Variants in MTMR12 observed in about 807,000 individuals in gnomAD.
MTMR12 encodes the protein myotubularin-related protein 12.
A neutral mutation model predicts 96.7 loss-of-function variants in MTMR12; 33 were observed. The observed-to-expected ratio is 0.34, with a 90% confidence interval of 0.26 to 0.46. The LOEUF (loss-of-function observed/expected upper bound fraction) is 0.46, where lower values mean the gene tolerates loss of function less well. MTMR12 is among the 20% of genes least tolerant of loss of function. The pLI is 1.00. For synonymous variants in MTMR12, 298 were observed against 327.2 expected (o/e 0.91, Z 0.96); for missense variants, 721 against 896.1 (o/e 0.80, Z 2.49).
intron 15 of MTMR12, among the ~76,000 whole-genome samples, chr5:32,232,670 C>T (rs1748042474): frequency 6.6e-6 from 1 of 152,222 alleles, no homozygotes. Flanking sequence ...CAATTTCTGG[C>T]CAAGCTGTTC....
At chr5:32,272,046 C>CT (rs1749856494) in intron 3 of MTMR12, 141 bp from the exon 4 acceptor site, 1 of 442,496 alleles carries the variant, frequency 2.3e-6, no homozygotes, top group Admixed American at 4.4e-5. Flanking sequence ...AATCCCAGCA[C>CT]TTTGGGAGGC....
intron 6 of MTMR12, among the ~76,000 whole-genome samples, chr5:32,265,401 A>T (rs989792032): frequency 1.3e-5 from 2 of 152,350 alleles, no homozygotes; most frequent in Non-Finnish European, 2.9e-5. Context: ...GCTAATCCAC[A>T]TATGTTGGCA....
intron 1 of MTMR12, among the ~76,000 whole-genome samples, chr5:32,311,662 A>C (rs1225025719): frequency 6.6e-6 from 1 of 152,226 alleles, no homozygotes; most frequent in African/African-American, 2.4e-5. Context: ...TTGCTCAAGA[A>C]GCCCTGAGCA....
chr5:32,284,603 A>G (rs943723564), intron 1 of MTMR12, among the ~76,000 whole-genome samples: 3 of 152,076 alleles, frequency 2.0e-5, no homozygotes, highest in Non-Finnish European at 4.4e-5. Flanking sequence ...TAAACCATAA[A>G]CTAGTTTTAC....
intron 6 of MTMR12, among the ~76,000 whole-genome samples, chr5:32,266,413 C>T (rs1346305622): frequency 6.6e-6 from 1 of 152,168 alleles, no homozygotes; most frequent in Non-Finnish European, 1.5e-5. Context: ...CTAGGCTGGG[C>T]ACGGTGGCTC....
Position 32,268,727 on chromosome 5 carries a change from T to C in MTMR12, c.557A>G (p.Tyr186Cys), listed in dbSNP as rs749277669. The stretch of plus-strand genomic sequence containing the variant: ...TGTATTGTTTTGTGCAGCAGTCGCA[T>C]AGGAAAACAGAAATAATCGTTTAAG... ...KLLKRLFLFS[Y>C]ATAAQNNTVT... The change falls in exon 6 of 16, where the codon TAT becomes TGT. Residue 186 changes from tyrosine to cysteine, a missense_variant. Transcript: ENST00000382142. 13 of 1,613,938 alleles carry C rather than the reference T, an allele frequency of 8.1e-6. No individual in the cohort carries two copies. The highest frequency in any genetic ancestry group is 2.2e-5 in the East Asian group (1 of 44,864).
chr5:32,244,544 T>A (rs1748604183), intron 10 of MTMR12, among the ~76,000 whole-genome samples: 1 of 151,882 alleles, frequency 6.6e-6, no homozygotes, highest in South Asian at 2.1e-4. Context: ...TGAGCTAAGA[T>A]CGCACCATTG....
intron 1 of MTMR12, among the ~76,000 whole-genome samples, chr5:32,293,950 G>A: frequency 6.6e-6 from 1 of 152,234 alleles, no homozygotes; most frequent in East Asian, 1.9e-4. Flanking sequence ...AGAAACCTGA[G>A]AGTCACTCTT....
chr5:32,300,811 A>G (rs1751112495), intron 1 of MTMR12, among the ~76,000 whole-genome samples: 1 of 152,252 alleles, frequency 6.6e-6, no homozygotes, highest in Non-Finnish European at 1.5e-5. Flanking sequence ...ACAGTGGCTC[A>G]CACCTCTAAT....
chr5:32,239,163 T>C lies in MTMR12; in HGVS notation c.1182A>G (p.Ala394=). The change falls in exon 13 of 16, where the codon GCA becomes GCG. Residue 394 remains alanine (A), a synonymous_variant. Transcript: ENST00000382142. ...AGGAAATGAGACAGCAGAGGTCGGA[T>C]GCATTCTCCTCTAGGAGAGGCCCCA... The part of the protein sequence containing the change: ...NMNVLLLEEN[A]SDLCCLISSL... 2 of 1,600,358 alleles carry C rather than the reference T, an allele frequency of 1.2e-6. No homozygotes were observed. Among genetic ancestry groups the C allele is most frequent in the Non-Finnish European group, 1.7e-6 (2 of 1,172,158 alleles).
At chr5:32,275,688 A>C (rs768949956) in intron 2 of MTMR12, among the ~76,000 whole-genome samples, 14 of 152,238 alleles carry the variant, frequency 9.2e-5, no homozygotes, top group Non-Finnish European at 1.8e-4. Context: ...ACCCACACCT[A>C]GATGAGACTG....
chr5:32,248,930 G>T (rs746138607), intron 8 of MTMR12, 52 bp from the exon 9 acceptor site: 3 of 1,380,406 alleles, frequency 2.2e-6, no homozygotes, highest in South Asian at 2.3e-5. Context: ...ACCCAACAGG[G>T]GACACATAAG....
chr5:32,240,189 A>C (rs1017254578), intron 12 of MTMR12, among the ~76,000 whole-genome samples: 5 of 152,122 alleles, frequency 3.3e-5, no homozygotes, highest in African/African-American at 7.2e-5. Flanking sequence ...TCACGATGTC[A>C]GGAGTTCGAG....
intron 1 of MTMR12, chr5:32,296,521 A>C: frequency 3.0e-6 from 1 of 335,826 alleles, no homozygotes; most frequent in South Asian, 2.3e-5. Flanking sequence ...TTGGCTGGGC[A>C]TGGCGATTTA....
chr5:32,282,837 T>C (rs1750360293), intron 1 of MTMR12, among the ~76,000 whole-genome samples: 1 of 152,244 alleles, frequency 6.6e-6, no homozygotes, highest in Admixed American at 6.5e-5. Flanking sequence ...CATCCCTATA[T>C]TTCACAATCG....
intron 10 of MTMR12, chr5:32,247,651 A>G (rs371025911): frequency 1.3e-6 from 1 of 799,170 alleles, no homozygotes; most frequent in African/African-American, 1.9e-5. Flanking sequence ...AACATTATTC[A>G]CTTTATAAAT....
chr5:32,270,198 C>T (rs1285005300), intron 5 of MTMR12, among the ~76,000 whole-genome samples: 2 of 150,868 alleles, frequency 1.3e-5, no homozygotes, highest in East Asian at 1.9e-4. Context: ...GAGTGAGACT[C>T]GGTCTCAAAA....
chr5:32,282,446 A>G (rs1750337500), intron 1 of MTMR12, among the ~76,000 whole-genome samples: 1 of 149,820 alleles, frequency 6.7e-6, no homozygotes, highest in South Asian at 2.1e-4. Context: ...TAAATAAATA[A>G]ATAAATAAAT....
chr5:32,292,787 T>C (rs571054527), intron 1 of MTMR12, among the ~76,000 whole-genome samples: 38 of 152,308 alleles, frequency 2.5e-4, no homozygotes, highest in African/African-American at 8.7e-4. Flanking sequence ...GCTGAGGTGT[T>C]TGCTGAAGGC....
Sources: allele counts gnomAD v4.1 joint callset (sites outside exome capture counted in the v4.1 genomes callset), GRCh38; gene constraint gnomAD v4.1.1; transcripts MANE v1.5; gene names NCBI Gene and HGNC (gene_info 2026-07-23, HGNC 2026-07-21).